Variants in ERI2 observed in about 807,000 individuals in gnomAD.
The protein encoded by ERI2 is ERI1 exoribonuclease 2.
Under a neutral mutation model 46.8 loss-of-function variants are expected in ERI2, and 35 were observed. The ratio of observed to expected loss-of-function variants is 0.75; its 90% CI spans 0.57 to 0.99. The LOEUF (loss-of-function observed/expected upper bound fraction) is 0.99. Among genes scored for constraint, ERI2 ranks in the 50% least tolerant of loss-of-function variants. The pLI is 0.00. For missense variants in ERI2, 695 were observed against 796.2 expected, an observed-to-expected ratio of 0.87 and a Z score of 1.53; for synonymous variants, 224 against 271.0, an observed-to-expected ratio of 0.83 and a Z score of 1.70.
rs2080576665 is a variant in ERI2, at chr16:20,790,629, G to T, written c.815+221C>A. Reference sequence around the variant, plus strand: ...CAATGTTCTACCTCCTGGACAAGAAGGAGATATTGGCATTCAAGTTCTACC... The same window carrying T: ...CAATGTTCTACCTCCTGGACAAGAATGAGATATTGGCATTCAAGTTCTACC... On this transcript the variant is annotated intron_variant, in intron 9 of 10. Transcript: ENST00000300005. This position sits in a 1 kb window ranked among gnomAD's most constrained non-coding sequence, Gnocchi z 4.0. 1.2e-6 allele frequency: 2 copies of T among 1,614,094 alleles called. No homozygotes were observed. Among genetic ancestry groups the T allele is most frequent in the South Asian group, 1.1e-5 (1 of 91,054 alleles).
At position 20,790,637 on chromosome 16, in the gene ERI2, T is replaced by G. The variant is rs2080577104; in HGVS notation, c.815+213A>C. The G allele has an allele frequency of 6.2e-7, 1 of 1,614,162 alleles. No individual in the cohort carries two copies. Among genetic ancestry groups the G allele is most frequent in the Non-Finnish European group, 8.5e-7 (1 of 1,179,998 alleles). On this transcript the variant is annotated intron_variant, in intron 9 of 10. Coordinates refer to the ERI2 transcript ENST00000300005. The surrounding 1 kb of genome is among the most constrained non-coding windows in gnomAD (Gnocchi z 4.0). ...TACCTCCTGGACAAGAAGGAGATAT[T>G]GGCATTCAAGTTCTACCCAACCGAC...
chr16:20,780,550 A>C, exon 11 of ERI2: 1 of 1,450,208 alleles, frequency 6.9e-7, no homozygotes, highest in African/African-American at 1.4e-5. Flanking sequence ...AGCACCTAAA[A>C]GGATAGAGAA....
chr16:20,780,915 G>A lies in ERI2; in HGVS notation c.895-181C>T, dbSNP rs575803623. 1.7e-4 allele frequency: 275 copies of A among 1,612,804 alleles called. 4 individuals carry two copies. The African/African-American group carries it at 2.8e-3, about 16-fold the overall frequency. On this transcript the variant is annotated intron_variant, in intron 10 of 10. Coordinates refer to the ERI2 transcript ENST00000300005. ...CAAAACTGCAAAGATGATGACTTAT[G>A]TACTGGTCTTTTATATTTATTTTCC...
intron 1 of ERI2, among the ~76,000 whole-genome samples, chr16:20,804,021 ATT>A (rs769791621): frequency 3.6e-4 from 51 of 141,930 alleles, no homozygotes; most frequent in African/African-American, 7.5e-4. Context: ...ATTAGTTTTA[ATT>A]TTTTTTTTTT....
chr16:20,801,314 A>G lies in ERI2; in HGVS notation c.349T>C (p.Phe117Leu), dbSNP rs1306465930. The G allele has an allele frequency of 6.2e-6, 10 of 1,610,904 alleles. No homozygotes were observed. The highest frequency in any genetic ancestry group is 8.5e-6 in the Non-Finnish European group (10 of 1,178,726). Reference sequence around the variant, plus strand: ...TGAATCTTATGAATCCATTTACAGAACTGAGATAAGCAAATCTTCAGAGGG... The same window carrying G: ...TGAATCTTATGAATCCATTTACAGAGCTGAGATAAGCAAATCTTCAGAGGG... ...GVPLKICLSQ[F>L]CKWIHKIQQQ... The change falls in exon 5 of 9, where the codon TTC becomes CTC. Residue 117 changes from phenylalanine (F) to leucine (L), a missense_variant. By Grantham distance (22) the Phe-to-Leu change is conservative. Transcript: ENST00000357967.
rs759381084 is a variant in ERI2 at position 20,796,867 on chromosome 16, T to C, written c.*857A>G. The C allele has an allele frequency of 1.9e-6, 3 of 1,608,602 alleles. No homozygotes were observed. Among genetic ancestry groups the C allele is most frequent in the Non-Finnish European group, 2.5e-6 (3 of 1,178,610 alleles). ...GATAAAAATTTCCAGGCTAATTTTC[T>C]TCCCCTTGATGCCAACAGGTAGAAT... On this transcript the variant is annotated 3_prime_UTR_variant, in exon 9 of 9. Coordinates refer to ENST00000357967, the MANE Select transcript of ERI2 (RefSeq NM_001142725.2).
rs764496201 is a variant in ERI2, at chr16:20,798,067, G to A, written c.1733C>T (p.Thr578Ile). 6 of 1,551,628 alleles carry A rather than the reference G, an allele frequency of 3.9e-6. No homozygotes were observed. In the South Asian group the frequency reaches 5.9e-5, roughly 15 times the overall value. Residue 578 changes from threonine (T) to isoleucine (I), a missense_variant, in exon 9 of 9, where the codon ACT (threonine) becomes ATT (isoleucine). Transcript: ENST00000357967. ...SSWRRLPSILTSTVNLQEPWK... is the reference protein window; with the variant it reads ...SSWRRLPSILISTVNLQEPWK... ...TGGCTCTTGTAGGTTAACTGTAGAA[G>A]TTAATATAGATGGGAGACGCCTCCA...
intron 1 of ERI2, among the ~76,000 whole-genome samples, chr16:20,804,787 T>C (rs1162919517): frequency 6.6e-6 from 1 of 152,244 alleles, no homozygotes; most frequent in Admixed American, 6.5e-5. Context: ...AGACACCTCC[T>C]GTAGTTTTCT....
intron 1 of ERI2, 198 bp downstream of exon 1, chr16:20,806,210 A>T: frequency 1.4e-6 from 2 of 1,397,456 alleles, no homozygotes; most frequent in Non-Finnish European, 1.9e-6. Context: ...ACCCTCGGGT[A>T]GAAGGTGGCC....
intron 10 of ERI2, chr16:20,784,647 T>C (rs1474732329): frequency 1.9e-5 from 3 of 161,782 alleles, no homozygotes; most frequent in African/African-American, 7.2e-5. Context: ...AATAAAATGT[T>C]ATTATGGGGT....
chr16:20,797,266 T>G lies in ERI2; in HGVS notation c.*458A>C. 1 of 1,066,354 alleles carries G rather than the reference T, an allele frequency of 9.4e-7. No individual in the cohort carries two copies. The highest frequency in any genetic ancestry group is 1.1e-6 in the Non-Finnish European group (1 of 885,798). 66.1% of individuals were successfully genotyped at this position (1,066,354 alleles called of 1,614,324 possible). On this transcript the variant is annotated 3_prime_UTR_variant, in exon 9 of 9. Transcript: ENST00000357967. ...AGCAGTTTCTGAACCAGATCTCTGCTACATAGGTTTTCAAACTTTAGTTGA... is the reference window on the plus strand; with the variant it reads ...AGCAGTTTCTGAACCAGATCTCTGCGACATAGGTTTTCAAACTTTAGTTGA...
At chr16:20,789,136 C>G (rs2080538090) in intron 10 of ERI2, among the ~76,000 whole-genome samples, 1 of 152,112 alleles carries the variant, frequency 6.6e-6, no homozygotes, top group Non-Finnish European at 1.5e-5. Flanking sequence ...AAATGCTAAT[C>G]TGATTTTTTT....
downstream of ERI2, chr16:20,792,610 T>C (rs1326364683): frequency 3.0e-6 from 3 of 985,280 alleles, no homozygotes; most frequent in African/African-American, 5.2e-5. Context: ...ATGGTGTGAA[T>C]GCCAGTAACC....
downstream of ERI2, chr16:20,792,282 C>A (rs757582668): frequency 6.2e-7 from 1 of 1,614,056 alleles, no homozygotes; most frequent in Non-Finnish European, 8.5e-7. Flanking sequence ...GAATGAACAC[C>A]CTTCAGTTGC....
At position 20,797,439 on chromosome 16, in the gene ERI2, T is replaced by G. The variant is rs1486762428; in HGVS notation, c.*285A>C. The G allele has an allele frequency of 9.7e-7, 1 of 1,028,750 alleles. No individual in the cohort carries two copies. The highest frequency in any genetic ancestry group is 1.7e-5 in the African/African-American group (1 of 59,398). The allele number at this position is 1,028,750 out of a possible 1,614,324, so 63.7% of individuals were successfully genotyped here. A position where few individuals can be genotyped will look rare whatever the true frequency, so the allele number is the denominator to read the frequency against. On this transcript the variant is annotated 3_prime_UTR_variant, in exon 9 of 9. Transcript: ENST00000357967. The stretch of plus-strand genomic sequence containing the variant: ...CAAAGTACAAGAATCTACCTGAAAA[T>G]AGACTAGGGATTTTTATTAGTCACA...
At chr16:20,789,476 T>C (rs201254194) in intron 10 of ERI2, 18 of 1,608,224 alleles carry the variant, frequency 1.1e-5, no homozygotes, top group African/African-American at 2.7e-5. Context: ...GTGGCTTACT[T>C]ACCATTGTCA....
At position 20,790,152 on chromosome 16, in the gene ERI2, A is replaced by T. The variant is rs918239210; in HGVS notation, c.816-595T>A. On this transcript the variant is annotated intron_variant, in intron 9 of 10. Transcript: ENST00000300005. The surrounding 1 kb of genome is among the most constrained non-coding windows in gnomAD (Gnocchi z 4.0). ...TATATTTCTCTTAGGAATTTAAAGTATATTTAAAATATTTTTGGGCCAGGT... is the reference window on the plus strand; with the variant it reads ...TATATTTCTCTTAGGAATTTAAAGTTTATTTAAAATATTTTTGGGCCAGGT... Among the ~76,000 whole-genome samples the T allele has an allele frequency of 6.6e-6, 1 of 152,114 alleles. No individual in the cohort carries two copies. The highest frequency in any genetic ancestry group is 1.9e-4 in the East Asian group (1 of 5,196).
intron 1 of ERI2, among the ~76,000 whole-genome samples, chr16:20,804,749 G>C (rs2080835396): frequency 6.6e-6 from 1 of 152,166 alleles, no homozygotes; most frequent in Non-Finnish European, 1.5e-5. Context: ...AAACTACTTG[G>C]TATTAGCAGG....
rs564925804 is a variant in ERI2, at chr16:20,796,736, C to T, written c.*988G>A. The T allele has an allele frequency of 4.7e-6, 7 of 1,500,890 alleles. No individual in the cohort carries two copies. Among genetic ancestry groups the T allele is most frequent in the Non-Finnish European group, 6.2e-6 (7 of 1,131,964 alleles). The allele number at this position is 1,500,890 out of a possible 1,614,324, so 93.0% of individuals were successfully genotyped here. ...TATCAAGACAACTTTCCTAACAATA[C>T]CCTTTTCCCTATTTTGGCTGTTACC... On this transcript the variant is annotated 3_prime_UTR_variant, in exon 9 of 9. Coordinates refer to ENST00000357967, the MANE Select transcript of ERI2 (RefSeq NM_001142725.2).
Sources: gnomAD v4.1 joint callset for allele counts (sites outside exome capture counted in the v4.1 genomes callset) on GRCh38, gnomAD v4.1.1 for gene constraint, Gnocchi (gnomAD v3.1) non-coding constraint, MANE v1.5 for transcripts, NCBI Gene and HGNC (gene_info 2026-07-23, HGNC 2026-07-21) for gene names.